The following CNTNAP2 variants were observed in gnomAD, a reference collection of about 807,000 sequenced individuals.
CNTNAP2 encodes the protein contactin associated protein 2.
In CNTNAP2, 98 loss-of-function variants were observed where a neutral mutation model predicts 155.2. The observed-to-expected ratio is 0.63, with a 90% confidence interval of 0.54 to 0.75. The LOEUF (loss-of-function observed/expected upper bound fraction) is 0.75. Among genes scored for constraint, CNTNAP2 ranks in the 30% least tolerant of loss-of-function variants. The pLI is 0.00. For missense variants in CNTNAP2, 1,727 were observed against 1,688.1 expected (o/e 1.02, Z -0.40); for synonymous variants, 651 against 631.2 (o/e 1.03, Z -0.47).
chr7:147,383,604 G>C (rs988967612), intron 9 of CNTNAP2, among the ~76,000 whole-genome samples: 3 of 151,918 alleles, frequency 2.0e-5, no homozygotes, highest in Non-Finnish European at 4.4e-5. Flanking sequence ...GGAACACCAC[G>C]CACCGGGGCC....
At chr7:147,535,082 A>T (rs866613401) in intron 11 of CNTNAP2, among the ~76,000 whole-genome samples, 16 of 152,276 alleles carry the variant, frequency 1.1e-4, no homozygotes, top group African/African-American at 3.8e-4. Flanking sequence ...ATACAGCTTG[A>T]CAAACATCTG....
intron 3 of CNTNAP2, among the ~76,000 whole-genome samples, chr7:146,930,558 A>C (rs1796726953): frequency 6.6e-6 from 1 of 152,210 alleles, no homozygotes; most frequent in Admixed American, 6.5e-5. Context: ...AGCTAACATA[A>C]TGACAGGATG....
chr7:146,529,309 G>A (rs1039483393), intron 1 of CNTNAP2, among the ~76,000 whole-genome samples: 1 of 152,042 alleles, frequency 6.6e-6, no homozygotes, highest in Non-Finnish European at 1.5e-5. Flanking sequence ...AACATAAATT[G>A]GGAGATGATT....
chr7:146,302,681 C>A (rs79682398), intron 1 of CNTNAP2, among the ~76,000 whole-genome samples: 147 of 152,162 alleles, frequency 9.7e-4, no homozygotes, highest in African/African-American at 3.4e-3. Context: ...TCTTGAGTCC[C>A]GAGTGATAAG....
intron 1 of CNTNAP2, among the ~76,000 whole-genome samples, chr7:146,759,955 C>G (rs1802062763): frequency 6.6e-6 from 1 of 152,088 alleles, no homozygotes; most frequent in Admixed American, 6.6e-5. Flanking sequence ...GTAGTTTTGC[C>G]TGAAAGAAGG....
intron 14 of CNTNAP2, among the ~76,000 whole-genome samples, chr7:147,969,786 GAT>G (rs1243245062): frequency 6.6e-5 from 10 of 152,038 alleles, no homozygotes; most frequent in Non-Finnish European, 1.2e-4. Flanking sequence ...ATGTGCATTA[GAT>G]ACACACTTTT....
intron 10 of CNTNAP2, among the ~76,000 whole-genome samples, chr7:147,485,265 A>G (rs1528521): frequency 0.61 from 93,365 of 151,946 alleles, 28,973 homozygotes; most frequent in African/African-American, 0.69. Flanking sequence ...CTATTTTTCA[A>G]AGGTGAAAAC....
chr7:147,149,864 T>G (rs1801791489), intron 8 of CNTNAP2, among the ~76,000 whole-genome samples: 1 of 152,186 alleles, frequency 6.6e-6, no homozygotes, highest in Non-Finnish European at 1.5e-5. Flanking sequence ...GCCATGTATA[T>G]GAAGAGAAGT....
intron 13 of CNTNAP2, among the ~76,000 whole-genome samples, chr7:147,755,640 A>G (rs755088932): frequency 1.9e-4 from 29 of 152,326 alleles, no homozygotes; most frequent in Non-Finnish European, 3.1e-4. Context: ...CGACAGAGAG[A>G]GACCCTGTCT....
At chr7:147,848,714 TA>T (rs56743390) in intron 13 of CNTNAP2, among the ~76,000 whole-genome samples, 99,170 of 149,794 alleles carry the variant, frequency 0.66, 33,114 homozygotes, top group African/African-American at 0.76. Context: ...TAGTTAATGG[TA>T]AAAAAAAAAA....
At position 147,562,717 on chromosome 7, in the gene CNTNAP2, T is replaced by C. The variant is rs76027210; in HGVS notation, c.1897+460T>C. 3.6e-3 allele frequency among the ~76,000 whole-genome samples: 551 copies of C among 152,270 alleles called. 2 individuals carry two copies. Among genetic ancestry groups the C allele is most frequent in the African/African-American group, 0.012 (514 of 41,576 alleles). Reference sequence around the variant, plus strand: ...AATCCCATTCTGATAATAGCAAAAATTACCTGAAGCTTTTATGAAATATAT... The same window carrying C: ...AATCCCATTCTGATAATAGCAAAAACTACCTGAAGCTTTTATGAAATATAT... On this transcript the variant is annotated intron_variant, in intron 12 of 23. Coordinates refer to ENST00000361727, the MANE Select transcript of CNTNAP2 (RefSeq NM_014141.6).
At chr7:147,695,610 C>A (rs1484518578) in intron 13 of CNTNAP2, among the ~76,000 whole-genome samples, 1 of 152,014 alleles carries the variant, frequency 6.6e-6, no homozygotes, top group Non-Finnish European at 1.5e-5. Flanking sequence ...CCAGCCTGAC[C>A]AACATGGTGA....
intron 1 of CNTNAP2, among the ~76,000 whole-genome samples, chr7:146,641,758 A>G (rs1026469419): frequency 2.0e-5 from 3 of 152,212 alleles, no homozygotes; most frequent in Non-Finnish European, 4.4e-5. Flanking sequence ...CATTTTTGTC[A>G]CTGCAGAGAG....
intron 8 of CNTNAP2, among the ~76,000 whole-genome samples, chr7:147,179,569 G>T (rs906946999): frequency 5.9e-5 from 9 of 152,188 alleles, no homozygotes; most frequent in African/African-American, 2.2e-4. Context: ...AGTGAAACCA[G>T]TTGACCCATT....
intron 3 of CNTNAP2, among the ~76,000 whole-genome samples, chr7:146,915,563 G>A (rs891721787): frequency 6.7e-5 from 10 of 149,572 alleles, no homozygotes; most frequent in South Asian, 4.2e-4. Context: ...TTTTTTGTTC[G>A]TTTGTTTGTT....
At chr7:147,325,193 A>G (rs2620469) in intron 9 of CNTNAP2, among the ~76,000 whole-genome samples, 79,586 of 151,672 alleles carry the variant, frequency 0.52, 21,658 homozygotes, top group East Asian at 0.73. Context: ...CCAGCTACTC[A>G]GGAGGCTGAG....
intron 8 of CNTNAP2, among the ~76,000 whole-genome samples, chr7:147,170,736 C>T (rs1389014690): frequency 6.6e-6 from 1 of 152,114 alleles, no homozygotes; most frequent in Non-Finnish European, 1.5e-5. Flanking sequence ...TCTAAGGGGC[C>T]GCAGGCTGCC....
At chr7:146,552,094 C>A (rs567031691) in intron 1 of CNTNAP2, among the ~76,000 whole-genome samples, 5 of 152,202 alleles carry the variant, frequency 3.3e-5, no homozygotes, top group African/African-American at 1.2e-4. Flanking sequence ...TCACACCATT[C>A]TAACAGCCAT....
At chr7:147,957,949 C>T (rs1295628950) in intron 14 of CNTNAP2, among the ~76,000 whole-genome samples, 1 of 152,036 alleles carries the variant, frequency 6.6e-6, no homozygotes, top group African/African-American at 2.4e-5. Context: ...GTGTCATGCA[C>T]CTGTGGTCCC....
Sources: allele counts gnomAD v4.1 joint callset (sites outside exome capture counted in the v4.1 genomes callset), GRCh38; gene constraint gnomAD v4.1.1; transcripts MANE v1.5; gene names NCBI Gene and HGNC (gene_info 2026-07-23, HGNC 2026-07-21).